PCDHA6: variants seen among roughly 807,000 people sequenced by gnomAD.
PCDHA6 encodes protocadherin alpha 6.
A neutral mutation model predicts 60.3 loss-of-function variants in PCDHA6; 55 were observed. That is an observed-to-expected ratio of 0.91 (90% confidence interval 0.73 to 1.14). The LOEUF (loss-of-function observed/expected upper bound fraction) is 1.14, where lower values mean the gene tolerates loss of function less well. PCDHA6 is among the 50% of genes most tolerant of loss of function. The pLI is 0.00. For missense variants in PCDHA6, 1,327 were observed against 1,256.5 expected, an observed-to-expected ratio of 1.06 and a Z score of -0.85; for synonymous variants, 652 against 557.9, an observed-to-expected ratio of 1.17 and a Z score of -2.38.
At chr5:140,867,122 T>C (rs2049769007) in intron 1 of PCDHA6, 1 of 152,160 alleles carries the variant, frequency 6.6e-6, no homozygotes. Context: ...TTGTTTTAAT[T>C]CAAATATGTG....
intron 1 of PCDHA6, chr5:140,849,798 C>G (rs1356253349): frequency 1.3e-6 from 2 of 1,598,416 alleles, no homozygotes; most frequent in African/African-American, 1.3e-5. Context: ...CTCGCCTTCA[C>G]TGTGGGCCAC....
intron 1 of PCDHA6, among the ~76,000 whole-genome samples, chr5:140,889,697 A>G (rs920897018): frequency 4.6e-5 from 7 of 152,294 alleles, no homozygotes; most frequent in Middle Eastern, 3.4e-3. Flanking sequence ...TATTATGGGC[A>G]TATTCCACAA....
chr5:140,849,959 C>G lies in PCDHA6; in HGVS notation c.2394+19474C>G, dbSNP rs2150460444. On this transcript the variant is annotated intron_variant, in intron 1 of 3. Transcript: ENST00000529310. ...GGGACGCTGACGCGCAGGAGAACGC[C>G]CTGGTGTCCTACTCGCTGGTGGAGC... 52 of 1,597,872 alleles carry G rather than the reference C, an allele frequency of 3.3e-5. 2 individuals are homozygous for G. Among genetic ancestry groups the G allele is most frequent in the African/African-American group, 2.7e-4 (20 of 74,536 alleles).
intron 1 of PCDHA6, chr5:140,861,672 A>G (rs1581618530): frequency 4.0e-6 from 1 of 248,596 alleles, no homozygotes; most frequent in East Asian, 1.1e-4. Context: ...GCTCTTGATT[A>G]TCGTGTTTCA....
At chr5:140,834,558 C>G (rs2150220968) in intron 1 of PCDHA6, 1 of 1,614,104 alleles carries the variant, frequency 6.2e-7, no homozygotes, top group East Asian at 2.2e-5. Context: ...GCTGGCGGAG[C>G]TGGTGCCGCG....
chr5:140,924,900 A>AT lies in PCDHA6; in HGVS notation c.2395-54049_2395-54048insT, dbSNP rs1563068012. 8.8e-4 allele frequency among the ~76,000 whole-genome samples: 56 copies of AT among 63,318 alleles called. 1 individual carries two copies. The highest frequency in any genetic ancestry group is 8.1e-3 in the Middle Eastern group (1 of 124). 41.5% of individuals were successfully genotyped at this position (63,318 alleles called of 152,430 possible). On this transcript the variant is annotated intron_variant, in intron 1 of 3. Coordinates refer to ENST00000529310, the MANE Select transcript of PCDHA6 (RefSeq NM_018909.4). ...ACAGAGCAAGAACCTGTCTCAAAAA[A>AT]AAAAATAAAATAAAATAAAATAAAA...
intron 1 of PCDHA6, chr5:140,849,834 G>A: frequency 6.3e-7 from 1 of 1,598,606 alleles, no homozygotes; most frequent in Admixed American, 1.7e-5. Context: ...GGAGGTGGCC[G>A]ACGTGAACGA....
intron 1 of PCDHA6, among the ~76,000 whole-genome samples, chr5:140,965,664 ATAAATG>A (rs1251201552): frequency 1.3e-5 from 2 of 152,254 alleles, no homozygotes; most frequent in Non-Finnish European, 2.9e-5. Flanking sequence ...GTCTTGGGTG[ATAAATG>A]TAAAAGATTT....
chr5:140,879,475 A>G (rs567061434), intron 1 of PCDHA6, among the ~76,000 whole-genome samples: 1 of 152,326 alleles, frequency 6.6e-6, no homozygotes, highest in Non-Finnish European at 1.5e-5. Flanking sequence ...TACCGTTGTG[A>G]TTGGAAATAT....
In PCDHA6 at chr5:141,012,192, T is replaced by TA. The variant is rs1424309622; in HGVS notation, c.*2256dup. 1 of 153,796 alleles carries TA rather than the reference T, an allele frequency of 6.5e-6. No homozygotes were observed. The highest frequency in any genetic ancestry group is 6.5e-5 in the Admixed American group (1 of 15,282). The allele number at this position is 153,796 out of a possible 1,614,324, so 9.5% of individuals were successfully genotyped here. ...AATGATGATAATTATAATGTATCTGTACAGCACTTTTTACATTTGCGAAGT... is the reference window on the plus strand; with the variant it reads ...AATGATGATAATTATAATGTATCTGTAACAGCACTTTTTACATTTGCGAAGT... On this transcript the variant is annotated 3_prime_UTR_variant, in exon 4 of 4. Transcript: ENST00000529310.
At chr5:140,953,540 T>C (rs1217393469) in intron 1 of PCDHA6, among the ~76,000 whole-genome samples, 1 of 152,174 alleles carries the variant, frequency 6.6e-6, no homozygotes, top group Non-Finnish European at 1.5e-5. Flanking sequence ...CACTTCATGC[T>C]GATTCTTTTC....
At chr5:140,924,894 C>CAA (rs782133089) in intron 1 of PCDHA6, among the ~76,000 whole-genome samples, 44 of 71,514 alleles carry the variant, frequency 6.2e-4, no homozygotes, top group African/African-American at 1.3e-3. Flanking sequence ...GAACCTGTCT[C>CAA]AAAAAAAAAA....
intron 1 of PCDHA6, among the ~76,000 whole-genome samples, chr5:140,954,496 T>G (rs571286912): frequency 2.3e-4 from 35 of 152,256 alleles, no homozygotes; most frequent in Non-Finnish European, 2.8e-4. Context: ...CATTGTGGTT[T>G]TGATTTGCAT....
chr5:140,979,355 T>C (rs1437499560), intron 2 of PCDHA6, among the ~76,000 whole-genome samples: 6 of 152,206 alleles, frequency 3.9e-5, no homozygotes, highest in African/African-American at 1.4e-4. Flanking sequence ...TTAATACTCA[T>C]GCTTTGAGAC....
chr5:140,886,996 T>C (rs1554182808), intron 1 of PCDHA6, among the ~76,000 whole-genome samples: 1 of 152,182 alleles, frequency 6.6e-6, no homozygotes, highest in African/African-American at 2.4e-5. Flanking sequence ...AATTTCCAGT[T>C]GGTATCACTT....
chr5:140,967,460 G>A, intron 1 of PCDHA6: 1 of 1,613,538 alleles, frequency 6.2e-7, no homozygotes, highest in Non-Finnish European at 8.5e-7. Context: ...AGCCGTGGAT[G>A]GGGGCATCCC....
intron 1 of PCDHA6, chr5:140,856,284 A>C (rs1164216826): frequency 5.6e-6 from 9 of 1,598,362 alleles, no homozygotes; most frequent in Non-Finnish European, 7.7e-6. Context: ...GTAAATCTGC[A>C]GAATGGCATT....
Position 140,903,378 on chromosome 5 carries a change from G to T in PCDHA6, c.2394+72893G>T, listed in dbSNP as rs938741904. Among the ~76,000 whole-genome samples, 3 of 152,196 alleles carry T rather than the reference G, an allele frequency of 2.0e-5. No homozygotes were observed. In the South Asian group the frequency reaches 6.2e-4, roughly 32 times the overall value. On this transcript the variant is annotated intron_variant, in intron 1 of 3. Coordinates refer to ENST00000529310, the MANE Select transcript of PCDHA6 (RefSeq NM_018909.4). Reference sequence around the variant, plus strand: ...GTTTTTCAAAAATATAGGGAGGATTGTGGTTACTTCTAGAAACAGTAGTGC... The same window carrying T: ...GTTTTTCAAAAATATAGGGAGGATTTTGGTTACTTCTAGAAACAGTAGTGC...
chr5:140,927,960 C>G, intron 1 of PCDHA6: 2 of 1,614,196 alleles, frequency 1.2e-6, no homozygotes, highest in Non-Finnish European at 1.7e-6. Flanking sequence ...CTGCCCCTGG[C>G]ACAGTGATTG....
Sources: gnomAD v4.1 joint callset for allele counts (sites outside exome capture counted in the v4.1 genomes callset) on GRCh38, gnomAD v4.1.1 for gene constraint, MANE v1.5 for transcripts, NCBI Gene and HGNC (gene_info 2026-07-23, HGNC 2026-07-21) for gene names.